The following DLG2 variants were observed in gnomAD, a reference collection of about 807,000 sequenced individuals.
DLG2 encodes discs large MAGUK scaffold protein 2.
In DLG2, 45 loss-of-function variants were observed where a neutral mutation model predicts 132.5. That is an observed-to-expected ratio of 0.34 (90% confidence interval 0.27 to 0.44). The LOEUF is 0.44. Ranked by LOEUF, DLG2 falls within the 20% of genes least tolerant of loss-of-function variation. The pLI, the probability that DLG2 is intolerant of heterozygous loss-of-function variation, is 1.00. For missense variants in DLG2, 1,045 were observed against 1,196.9 expected (o/e 0.87, Z 1.87); for synonymous variants, 424 against 419.6 (o/e 1.01, Z -0.13).
At chr11:85,396,628 C>T (rs1360821823) in intron 3 of DLG2, among the ~76,000 whole-genome samples, 4 of 152,092 alleles carry the variant, frequency 2.6e-5, no homozygotes, top group South Asian at 4.2e-4. Context: ...CTTCGCGATG[C>T]ATGCACAAGC....
chr11:84,332,270 G>A (rs1441647998), intron 7 of DLG2, among the ~76,000 whole-genome samples: 6 of 148,606 alleles, frequency 4.0e-5, no homozygotes, highest in African/African-American at 1.5e-4. Context: ...GGAATGCAGT[G>A]GCGCGATCTT....
intron 11 of DLG2, among the ~76,000 whole-genome samples, chr11:83,995,239 C>A (rs1214842536): frequency 2.6e-5 from 4 of 152,052 alleles, no homozygotes; most frequent in Non-Finnish European, 5.9e-5. Flanking sequence ...TATAAATAAA[C>A]AGCATATGTT....
At chr11:83,803,310 G>A (rs560572233) in intron 17 of DLG2, among the ~76,000 whole-genome samples, 2 of 152,140 alleles carry the variant, frequency 1.3e-5, no homozygotes, top group Admixed American at 6.6e-5. Flanking sequence ...TGTGAGGGGG[G>A]ATGGTATTTT....
chr11:84,050,248 G>A (rs1020292876), intron 11 of DLG2, among the ~76,000 whole-genome samples: 9 of 151,186 alleles, frequency 6.0e-5, no homozygotes, highest in African/African-American at 1.7e-4. Flanking sequence ...GGAAGGGAGG[G>A]ACCAGCAATG....
Position 85,518,045 on chromosome 11 carries a change from C to T in DLG2, c.40+80612G>A, listed in dbSNP as rs551305220. Among the ~76,000 whole-genome samples the T allele has an allele frequency of 2.6e-5, 4 of 152,232 alleles. No homozygotes were observed. In the East Asian group the frequency reaches 7.7e-4, roughly 29 times the overall value. Reference sequence around the variant, plus strand: ...CCCCAGCCATGTGGAACTGTAAGTCCAAATAAATCTCTTTCTTTTGTAAAT... The same window carrying T: ...CCCCAGCCATGTGGAACTGTAAGTCTAAATAAATCTCTTTCTTTTGTAAAT... On this transcript the variant is annotated intron_variant, in intron 3 of 27. Coordinates refer to ENST00000376104, the MANE Select transcript of DLG2 (RefSeq NM_001142699.3).
At chr11:83,691,491 T>G (rs2080988994) in intron 18 of DLG2, among the ~76,000 whole-genome samples, 1 of 152,188 alleles carries the variant, frequency 6.6e-6, no homozygotes, top group South Asian at 2.1e-4. Context: ...GAGGCTCTGC[T>G]GTCTCTGGCT....
At chr11:83,718,670 G>A (rs1470603826) in intron 18 of DLG2, among the ~76,000 whole-genome samples, 1 of 152,078 alleles carries the variant, frequency 6.6e-6, no homozygotes, top group Non-Finnish European at 1.5e-5. Context: ...TATTGGCAGG[G>A]TGGAAAATAG....
rs538977467 is a variant in DLG2, at chr11:83,500,867, C to T, written c.2194-16639G>A. On this transcript the variant is annotated intron_variant, in intron 21 of 27. Transcript: ENST00000376104. Reference sequence around the variant, plus strand: ...GTGTCATTTTCTTTGCCAATTTGTGCATCATTCTGTGTGGTAGATTCCACA... The same window carrying T: ...GTGTCATTTTCTTTGCCAATTTGTGTATCATTCTGTGTGGTAGATTCCACA... Among the ~76,000 whole-genome samples, 15 of 152,134 alleles carry T rather than the reference C, an allele frequency of 9.9e-5. No individual in the cohort carries two copies. In the South Asian group the frequency reaches 3.1e-3, roughly 32 times the overall value.
At chr11:84,937,013 G>C (rs2048827357) in intron 6 of DLG2, among the ~76,000 whole-genome samples, 1 of 152,066 alleles carries the variant, frequency 6.6e-6, no homozygotes, top group African/African-American at 2.4e-5. Flanking sequence ...TTAGCCAGGT[G>C]TGGTGGCAGA....
chr11:84,627,234 C>T (rs564364979), intron 6 of DLG2, among the ~76,000 whole-genome samples: 52 of 152,288 alleles, frequency 3.4e-4, no homozygotes, highest in Middle Eastern at 3.4e-3. Flanking sequence ...ATGTCAGAGA[C>T]ATTCACTTTA....
chr11:84,461,696 C>A (rs1029290258), intron 7 of DLG2, among the ~76,000 whole-genome samples: 2 of 150,370 alleles, frequency 1.3e-5, no homozygotes, highest in African/African-American at 4.9e-5. Flanking sequence ...GTGAAGAACA[C>A]AAAATTAAAA....
intron 19 of DLG2, among the ~76,000 whole-genome samples, chr11:83,561,167 C>T (rs1330615564): frequency 1.3e-5 from 2 of 152,166 alleles, no homozygotes; most frequent in South Asian, 2.1e-4. Context: ...CACAAGAAAT[C>T]GCCCCCATGA....
chr11:83,780,528 C>T (rs2094770952), intron 18 of DLG2, among the ~76,000 whole-genome samples: 1 of 152,150 alleles, frequency 6.6e-6, no homozygotes, highest in Non-Finnish European at 1.5e-5. Context: ...ATGACTTTCC[C>T]TTGGTTCATA....
At chr11:84,833,175 T>C (rs564595632) in intron 6 of DLG2, among the ~76,000 whole-genome samples, 3 of 151,572 alleles carry the variant, frequency 2.0e-5, no homozygotes, top group African/African-American at 7.3e-5. Context: ...GAAATTATCA[T>C]TGATTTTCCT....
chr11:85,109,308 C>G (rs1453950919), intron 6 of DLG2, among the ~76,000 whole-genome samples: 1 of 152,078 alleles, frequency 6.6e-6, no homozygotes, highest in Non-Finnish European at 1.5e-5. Context: ...CAGTAGCCCC[C>G]AGTTCTATGG....
intron 4 of DLG2, among the ~76,000 whole-genome samples, chr11:85,199,447 A>T (rs2081293127): frequency 6.6e-6 from 1 of 152,256 alleles, no homozygotes; most frequent in Non-Finnish European, 1.5e-5. Context: ...ATAGAAGTTT[A>T]TGGTGAAGTT....
At chr11:83,704,335 C>A (rs1004090735) in intron 18 of DLG2, among the ~76,000 whole-genome samples, 1 of 152,030 alleles carries the variant, frequency 6.6e-6, no homozygotes, top group Non-Finnish European at 1.5e-5. Flanking sequence ...TTATGTATTT[C>A]ATAAACAGAA....
intron 7 of DLG2, among the ~76,000 whole-genome samples, chr11:84,331,833 C>T (rs1314267271): frequency 6.6e-6 from 1 of 152,026 alleles, no homozygotes; most frequent in Admixed American, 6.6e-5. Context: ...TCAGATCTCA[C>T]GCATAAGCCA....
At chr11:84,361,314 G>C (rs1055518197) in intron 7 of DLG2, among the ~76,000 whole-genome samples, 1 of 151,760 alleles carries the variant, frequency 6.6e-6, no homozygotes, top group Admixed American at 6.6e-5. Flanking sequence ...CAAAGACAAA[G>C]TGAAAAATTT....
Sources: gnomAD v4.1 joint callset for allele counts (sites outside exome capture counted in the v4.1 genomes callset) on GRCh38, gnomAD v4.1.1 for gene constraint, MANE v1.5 for transcripts, NCBI Gene and HGNC (gene_info 2026-07-23, HGNC 2026-07-21) for gene names.